Variants in RBFOX1 observed in about 807,000 individuals in gnomAD.
The protein encoded by RBFOX1 is RNA binding fox-1 homolog 1.
In RBFOX1, 8 loss-of-function variants were observed where a neutral mutation model predicts 57.7. That is an observed-to-expected ratio of 0.14 (90% CI 0.08 to 0.25). The LOEUF is 0.25. Ranked by LOEUF, RBFOX1 falls within the 10% of genes least tolerant of loss-of-function variation. RBFOX1 has a pLI of 1.00. For synonymous variants in RBFOX1, 326 were observed against 222.4 expected (o/e 1.47, Z -4.15); for missense variants, 611 against 548.5 (o/e 1.11, Z -1.14).
intron 2 of RBFOX1, among the ~76,000 whole-genome samples, chr16:6,347,695 T>C (rs2085616130): frequency 6.6e-6 from 1 of 152,184 alleles, no homozygotes; most frequent in African/African-American, 2.4e-5. Context: ...TATCCTATGT[T>C]CACAGAGAAC....
chr16:6,557,911 G>C (rs2097127456), intron 2 of RBFOX1, among the ~76,000 whole-genome samples: 1 of 152,104 alleles, frequency 6.6e-6, no homozygotes, highest in Non-Finnish European at 1.5e-5. Context: ...TGCTTCTTCA[G>C]CGATATACTG....
chr16:6,683,999 G>A (rs576512086), intron 3 of RBFOX1, among the ~76,000 whole-genome samples: 32 of 152,314 alleles, frequency 2.1e-4, no homozygotes, highest in African/African-American at 7.5e-4. Flanking sequence ...ATGTTACAAG[G>A]TGGGGAAGAT....
At chr16:7,184,979 C>T (rs554262967) in intron 4 of RBFOX1, among the ~76,000 whole-genome samples, 136 of 152,216 alleles carry the variant, frequency 8.9e-4, no homozygotes, top group African/African-American at 2.9e-3. Flanking sequence ...TTACAGTAAA[C>T]ATACAATATG....
intron 3 of RBFOX1, among the ~76,000 whole-genome samples, chr16:6,787,307 T>A (rs1156990184): frequency 1.3e-5 from 2 of 152,218 alleles, no homozygotes; most frequent in African/African-American, 4.8e-5. Context: ...AGGTTGGTCC[T>A]GCCATGTTCG....
intron 3 of RBFOX1, among the ~76,000 whole-genome samples, chr16:7,035,047 A>G (rs188991667): frequency 6.6e-6 from 1 of 150,668 alleles, no homozygotes; most frequent in African/African-American, 2.4e-5. Flanking sequence ...AGGGTTTTAC[A>G]TTGTTGGCCA....
intron 2 of RBFOX1, among the ~76,000 whole-genome samples, chr16:6,565,054 C>T (rs1226704039): frequency 2.0e-5 from 3 of 150,516 alleles, no homozygotes; most frequent in Admixed American, 6.6e-5. Flanking sequence ...TTGCTTGAAC[C>T]CAGGAGACAG....
At chr16:6,527,944 C>G (rs762988124) in intron 2 of RBFOX1, among the ~76,000 whole-genome samples, 19 of 152,108 alleles carry the variant, frequency 1.2e-4, no homozygotes, top group Non-Finnish European at 2.6e-4. Context: ...TCCCTTTTCC[C>G]ATGGCATCGC....
intron 4 of RBFOX1, among the ~76,000 whole-genome samples, chr16:7,132,196 G>A (rs1340716108): frequency 6.6e-6 from 1 of 151,824 alleles, no homozygotes; most frequent in Non-Finnish European, 1.5e-5. Flanking sequence ...AGCCAGGCTG[G>A]CCTCAAACTC....
intron 3 of RBFOX1, among the ~76,000 whole-genome samples, chr16:5,828,653 C>T (rs2056159905): frequency 6.6e-6 from 1 of 151,792 alleles, no homozygotes; most frequent in Admixed American, 6.6e-5. Context: ...GAGCCGAGAT[C>T]ATGCTACTGC....
intron 1 of RBFOX1, among the ~76,000 whole-genome samples, chr16:5,408,611 T>A (rs1029401809): frequency 2.6e-5 from 4 of 152,192 alleles, no homozygotes; most frequent in African/African-American, 4.8e-5. Context: ...CGTTCTTGCA[T>A]TGCCATAAGA....
intron 1 of RBFOX1, among the ~76,000 whole-genome samples, chr16:5,362,590 G>A (rs550098305): frequency 1.3e-5 from 2 of 152,230 alleles, no homozygotes; most frequent in African/African-American, 4.8e-5. Flanking sequence ...TTGAACTCCC[G>A]ACCTCAGGTG....
At chr16:6,550,204 G>C (rs1183440734) in intron 2 of RBFOX1, among the ~76,000 whole-genome samples, 1 of 152,016 alleles carries the variant, frequency 6.6e-6, no homozygotes, top group African/African-American at 2.4e-5. Context: ...GGGGGACAGA[G>C]TCTTACTCTG....
At chr16:7,543,328 C>T (rs907462207) in intron 5 of RBFOX1, among the ~76,000 whole-genome samples, 3 of 152,148 alleles carry the variant, frequency 2.0e-5, no homozygotes, top group Admixed American at 6.5e-5. Context: ...TGAAGGGTGT[C>T]AGATTCTGGG....
Position 7,433,950 on chromosome 16 carries a change from C to G in RBFOX1, c.28-84197C>G, listed in dbSNP as rs936277365. Among the ~76,000 whole-genome samples, 3 of 152,074 alleles carry G rather than the reference C, an allele frequency of 2.0e-5. No individual in the cohort carries two copies. The East Asian group carries it at 5.8e-4, about 29-fold the overall frequency. On this transcript the variant is annotated intron_variant, in intron 4 of 15. Coordinates refer to ENST00000550418, the MANE Select transcript of RBFOX1 (RefSeq NM_018723.4). ...GTATGTTAGACAATTCATTTATAAG[C>G]TGAATAGTTAAGTGCAATTTTGAGT...
At chr16:6,152,878 C>T (rs2096807619) in intron 1 of RBFOX1, among the ~76,000 whole-genome samples, 2 of 152,196 alleles carry the variant, frequency 1.3e-5, no homozygotes, top group East Asian at 3.9e-4. Context: ...ACTGAAGTCT[C>T]AGGAGCTGAT....
chr16:7,130,298 G>A (rs1057381340), intron 4 of RBFOX1, among the ~76,000 whole-genome samples: 4 of 152,126 alleles, frequency 2.6e-5, no homozygotes, highest in Non-Finnish European at 2.9e-5. Flanking sequence ...GCTTCCCAAA[G>A]TGCTGAGATT....
chr16:7,589,703 A>T (rs1276792702), intron 7 of RBFOX1, among the ~76,000 whole-genome samples: 1 of 151,810 alleles, frequency 6.6e-6, no homozygotes, highest in Non-Finnish European at 1.5e-5. Context: ...ATTATCCTTT[A>T]TGGGAAAGGG....
chr16:5,973,203 A>G (rs189682062), intron 4 of RBFOX1, among the ~76,000 whole-genome samples: 47 of 152,346 alleles, frequency 3.1e-4, no homozygotes, highest in African/African-American at 1.1e-3. Flanking sequence ...CGTCAAAAAT[A>G]TTAGGGATGT....
intron 2 of RBFOX1, among the ~76,000 whole-genome samples, chr16:6,600,435 A>C (rs546188403): frequency 4.6e-5 from 7 of 152,202 alleles, no homozygotes; most frequent in African/African-American, 9.6e-5. Context: ...CATTCTGCAC[A>C]CTCGTGTTCA....
Sources: gnomAD v4.1 joint callset for allele counts (sites outside exome capture counted in the v4.1 genomes callset) on GRCh38, gnomAD v4.1.1 for gene constraint, MANE v1.5 for transcripts, NCBI Gene and HGNC (gene_info 2026-07-23, HGNC 2026-07-21) for gene names.